Variants in ANKFN1 observed in about 807,000 individuals in gnomAD.
ANKFN1 encodes the protein ankyrin repeat and fibronectin type III domain containing 1.
ANKFN1 carries 74 observed loss-of-function variants against 108.7 expected under a neutral mutation model. The observed-to-expected ratio is 0.68, with a 90% CI of 0.56 to 0.83. The LOEUF (loss-of-function observed/expected upper bound fraction) is 0.83. ANKFN1 is among the 40% of genes least tolerant of loss of function. The pLI, the probability that ANKFN1 is intolerant of heterozygous loss-of-function variation, is 0.00. For missense variants in ANKFN1, 1,505 were observed against 1,382.3 expected (o/e 1.09, Z -1.41); for synonymous variants, 547 against 516.2 (o/e 1.06, Z -0.81).
chr17:56,390,679 CCTGTTT>C (rs1184816420), intron 8 of ANKFN1, among the ~76,000 whole-genome samples: 1 of 152,134 alleles, frequency 6.6e-6, no homozygotes, highest in Non-Finnish European at 1.5e-5. Flanking sequence ...TAAAAGTGTT[CCTGTTT>C]CTCCACATCC....
At chr17:56,061,394 C>A (rs1904974397) in intron 4 of ANKFN1, among the ~76,000 whole-genome samples, 1 of 151,090 alleles carries the variant, frequency 6.6e-6, no homozygotes, top group Non-Finnish European at 1.5e-5. Context: ...GCCTCAGCCT[C>A]CTGAGTAGCT....
chr17:56,171,127 A>T (rs985647900), intron 1 of ANKFN1, among the ~76,000 whole-genome samples: 1 of 152,004 alleles, frequency 6.6e-6, no homozygotes, highest in Admixed American at 6.5e-5. Flanking sequence ...TGGCGGGGAA[A>T]TGCATAACAT....
chr17:56,159,069 AAAG>A (rs1244063303), intron 1 of ANKFN1, among the ~76,000 whole-genome samples: 1 of 151,002 alleles, frequency 6.6e-6, no homozygotes, highest in Non-Finnish European at 1.5e-5. Flanking sequence ...GAAGAAGAAG[AAAG>A]AAGAAGAGGA....
intron 2 of ANKFN1, among the ~76,000 whole-genome samples, chr17:56,227,505 T>C (rs147234589): frequency 5.3e-5 from 8 of 152,306 alleles, no homozygotes; most frequent in African/African-American, 1.9e-4. Context: ...AGGAACAATG[T>C]GTCAGAACTT....
intron 3 of ANKFN1, among the ~76,000 whole-genome samples, chr17:56,263,663 A>C (rs1235408258): frequency 6.6e-6 from 1 of 152,226 alleles, no homozygotes; most frequent in Non-Finnish European, 1.5e-5. Context: ...CACTATTTGA[A>C]TTCTTTTCAT....
intron 11 of ANKFN1, among the ~76,000 whole-genome samples, chr17:56,452,935 C>T (rs934120392): frequency 9.9e-5 from 15 of 152,172 alleles, no homozygotes; most frequent in African/African-American, 3.6e-4. Flanking sequence ...TTTCTCTCGT[C>T]TCTAAAATGC....
intron 1 of ANKFN1, among the ~76,000 whole-genome samples, chr17:56,153,784 C>T (rs1167297201): frequency 6.6e-6 from 1 of 152,100 alleles, no homozygotes; most frequent in East Asian, 1.9e-4. Flanking sequence ...AGGAGAGAGG[C>T]TTCTAGAGAC....
At chr17:56,423,354 A>G (rs2048467329) in intron 8 of ANKFN1, among the ~76,000 whole-genome samples, 1 of 152,218 alleles carries the variant, frequency 6.6e-6, no homozygotes, top group Non-Finnish European at 1.5e-5. Context: ...TCCTTGAAAC[A>G]GTATGAGAAG....
At chr17:56,398,209 C>T (rs962504787) in intron 8 of ANKFN1, among the ~76,000 whole-genome samples, 1 of 152,096 alleles carries the variant, frequency 6.6e-6, no homozygotes, top group Non-Finnish European at 1.5e-5. Flanking sequence ...CAATGAGTAG[C>T]CCAGTACCTG....
At position 56,305,231 on chromosome 17, in the gene ANKFN1, C is replaced by T. The variant is rs149081889; in HGVS notation, c.54-20990C>T. Among the ~76,000 whole-genome samples, 1,344 of 152,260 alleles carry T rather than the reference C, an allele frequency of 8.8e-3. 4 individuals carry two copies. Among genetic ancestry groups the T allele is most frequent in the Non-Finnish European group, 0.014 (935 of 68,020 alleles). ...GAGAACAACCTGAGGGTAACCACCC[C>T]CATGATTAAATTACCTCCCACTGGC... is the stretch of plus-strand genomic sequence containing the variant. On this transcript the variant is annotated intron_variant, in intron 3 of 20. Coordinates refer to ENST00000682825, the MANE Select transcript of ANKFN1 (RefSeq NM_001370326.1).
At chr17:56,499,538 G>C (rs762668457) in intron 20 of ANKFN1, among the ~76,000 whole-genome samples, 2 of 152,110 alleles carry the variant, frequency 1.3e-5, no homozygotes, top group Admixed American at 6.6e-5. Context: ...ACCTGGGTGA[G>C]AGTTTGGGAA....
chr17:56,509,155 G>A (rs772784139), intron 20 of ANKFN1, among the ~76,000 whole-genome samples: 2 of 152,092 alleles, frequency 1.3e-5, no homozygotes, highest in Non-Finnish European at 2.9e-5. Flanking sequence ...ATACAGATGC[G>A]CCACAATTTA....
intron 6 of ANKFN1, among the ~76,000 whole-genome samples, chr17:56,361,853 G>T (rs189239217): frequency 0.015 from 2,323 of 152,106 alleles, 65 homozygotes; most frequent in African/African-American, 0.053. Flanking sequence ...TCTATGACAT[G>T]GCAGTTGGCT....
intron 8 of ANKFN1, among the ~76,000 whole-genome samples, chr17:56,386,579 AG>A: frequency 1.0e-5 from 1 of 95,402 alleles, no homozygotes; most frequent in South Asian, 3.7e-4. Context: ...GCATCTCATG[AG>A]TTTTTTTTTT....
intron 19 of ANKFN1, among the ~76,000 whole-genome samples, chr17:56,498,508 T>C (rs1336116248): frequency 6.6e-6 from 1 of 152,154 alleles, no homozygotes; most frequent in African/African-American, 2.4e-5. Context: ...TTTCAACTAA[T>C]CATCCCAGCA....
Position 56,511,077 on chromosome 17 carries a change from G to A in ANKFN1, c.3249G>A (p.Ala1083=), listed in dbSNP as rs1272939963. 3.3e-6 allele frequency: 5 copies of A among 1,535,854 alleles called. No individual in the cohort carries two copies. Among genetic ancestry groups the A allele is most frequent in the Admixed American group, 3.9e-5 (2 of 50,992 alleles). Residue 1083 remains alanine (A), a synonymous_variant, in exon 21 of 21, where the codon GCG becomes GCA. Transcript: ENST00000682825. The part of the protein sequence containing the change: ...PEERNSSLQD[A]RPSVRRLYVE... ...AGCGGAACAGCAGTCTCCAGGACGC[G>A]AGGCCTTCCGTCCGCCGCCTCTACG...
chr17:56,097,094 T>G (rs1410432621), intron 4 of ANKFN1, among the ~76,000 whole-genome samples: 1 of 152,054 alleles, frequency 6.6e-6, no homozygotes, highest in African/African-American at 2.4e-5. Context: ...TACTTGAGGG[T>G]GGAGGGTAGG....
rs1467386004 is a variant in ANKFN1, at chr17:56,440,253, A to G, written c.911-74A>G. 4.6e-6 allele frequency: 4 copies of G among 869,394 alleles called. No homozygotes were observed. In the Admixed American group the frequency reaches 8.1e-5, roughly 18 times the overall value. 53.9% of individuals were successfully genotyped at this position (869,394 alleles called of 1,614,324 possible). Reference sequence around the variant, plus strand: ...AGAGGGATTGTATGCTAGAGTTTCTATGGTACTTCTTGATGTGTGACTGAA... The same window carrying G: ...AGAGGGATTGTATGCTAGAGTTTCTGTGGTACTTCTTGATGTGTGACTGAA... On this transcript the variant is annotated intron_variant, in intron 8 of 20. Transcript: ENST00000682825.
At chr17:56,264,149 G>A (rs956062823) in intron 3 of ANKFN1, among the ~76,000 whole-genome samples, 1 of 152,176 alleles carries the variant, frequency 6.6e-6, no homozygotes, top group African/African-American at 2.4e-5. Flanking sequence ...CTGGGAAAAG[G>A]ATTGCTAAAT....
Sources: gnomAD v4.1 joint callset for allele counts (sites outside exome capture counted in the v4.1 genomes callset) on GRCh38, gnomAD v4.1.1 for gene constraint, MANE v1.5 for transcripts, NCBI Gene and HGNC (gene_info 2026-07-23, HGNC 2026-07-21) for gene names.